Variants in SSH2 observed in about 807,000 individuals in gnomAD.
SSH2 encodes the protein protein phosphatase Slingshot homolog 2.
Under a neutral mutation model 135.2 loss-of-function variants are expected in SSH2, and 37 were observed. The ratio of observed to expected loss-of-function variants is 0.27; its 90% confidence interval spans 0.21 to 0.36. The LOEUF (loss-of-function observed/expected upper bound fraction) is 0.36. Ranked by LOEUF, SSH2 falls within the 10% of genes least tolerant of loss-of-function variation. The pLI, the probability that SSH2 is intolerant of heterozygous loss-of-function variation, is 1.00. For synonymous variants in SSH2, 628 were observed against 646.2 expected, an observed-to-expected ratio of 0.97 and a Z score of 0.43; for missense variants, 1,408 against 1,765.3, an observed-to-expected ratio of 0.80 and a Z score of 3.63.
chr17:29,689,563 G>A (rs1567881032), intron 5 of SSH2, among the ~76,000 whole-genome samples: 1 of 152,120 alleles, frequency 6.6e-6, no homozygotes, highest in East Asian at 1.9e-4. Context: ...GGCAGCAATA[G>A]TAACTAAGAT....
chr17:29,740,755 T>C (rs2040528190), intron 3 of SSH2, among the ~76,000 whole-genome samples: 1 of 152,238 alleles, frequency 6.6e-6, no homozygotes, highest in Non-Finnish European at 1.5e-5. Flanking sequence ...AATTTAAGTA[T>C]GATAGTAACA....
chr17:29,788,778 T>C (rs1205537745), intron 3 of SSH2, among the ~76,000 whole-genome samples: 3 of 151,992 alleles, frequency 2.0e-5, no homozygotes, highest in Non-Finnish European at 2.9e-5. Context: ...TGAAACCAGG[T>C]AATGGGTAGA....
intron 3 of SSH2, among the ~76,000 whole-genome samples, chr17:29,784,937 T>A (rs1199444996): frequency 6.6e-6 from 1 of 152,204 alleles, no homozygotes; most frequent in East Asian, 1.9e-4. Context: ...AATTTTATTT[T>A]CATTGCTATC....
intron 3 of SSH2, among the ~76,000 whole-genome samples, chr17:29,736,485 T>A (rs913357914): frequency 2.0e-5 from 3 of 152,128 alleles, no homozygotes; most frequent in Non-Finnish European, 4.4e-5. Context: ...GTATAACAGT[T>A]ACTATAAAGG....
In SSH2 at chr17:29,630,731, A is replaced by ATTTT. The variant is rs2035628277; in HGVS notation, c.*109_*110insAAAA. On this transcript the variant is annotated 3_prime_UTR_variant, in exon 16 of 16. Transcript: ENST00000540801. ...AACCCTGCATGCACCAGAAACAGTA[A>ATTTT]AATGACCAAAATATTATAAAATTAA... is the stretch of plus-strand genomic sequence containing the variant. 1 of 1,274,020 alleles carries ATTTT rather than the reference A, an allele frequency of 7.8e-7. No homozygotes were observed. Among genetic ancestry groups the ATTTT allele is most frequent in the East Asian group, 2.4e-5 (1 of 42,342 alleles). 78.9% of individuals were successfully genotyped at this position (1,274,020 alleles called of 1,614,324 possible).
rs2039048829 is a variant in SSH2, at chr17:29,702,972, C to G, written c.279G>C (p.Arg93=). The part of the protein sequence containing the change: ...GSSTPRISHR[R]NKHAGDLQQH... The stretch of plus-strand genomic sequence containing the variant: ...TGCAAGCATTACCTGCATGCTTGTT[C>G]CGTCTGTGGCTGATTCTTGGTGTGG... Residue 93 remains arginine, a synonymous_variant, in exon 4 of 16, where the codon CGG becomes CGC. Transcript: ENST00000540801. 4 of 1,613,112 alleles carry G rather than the reference C, an allele frequency of 2.5e-6. No homozygotes were observed. The highest frequency in any genetic ancestry group is 3.4e-6 in the Non-Finnish European group (4 of 1,179,322).
At chr17:29,795,324 C>A (rs1281943222) in intron 2 of SSH2, among the ~76,000 whole-genome samples, 1 of 152,232 alleles carries the variant, frequency 6.6e-6, no homozygotes, top group Non-Finnish European at 1.5e-5. Context: ...AAATATCCTA[C>A]AACATTTCAT....
At chr17:29,918,856 G>A (rs2066926325) in intron 1 of SSH2, among the ~76,000 whole-genome samples, 1 of 152,068 alleles carries the variant, frequency 6.6e-6, no homozygotes, top group African/African-American at 2.4e-5. Flanking sequence ...AGAATCACTT[G>A]AACCCGGGAG....
chr17:29,918,800 G>T (rs898311214), intron 1 of SSH2, among the ~76,000 whole-genome samples: 22 of 152,282 alleles, frequency 1.4e-4, no homozygotes, highest in Admixed American at 1.4e-3. Flanking sequence ...AGCCAGGTGT[G>T]GTGGCCTGTG....
Position 29,631,203 on chromosome 17 carries a change from C to A in SSH2, c.3991G>T (p.Asp1331Tyr). The change falls in exon 16 of 16, where the codon GAC becomes TAC. Residue 1331 changes from aspartate to tyrosine, a missense_variant. Coordinates refer to ENST00000540801, the MANE Select transcript of SSH2 (RefSeq NM_001282129.2). ...RTDSGMHAME[D>Y]QESLENPGAP... ...CCTGGGTTTTCTAGGGACTCTTGGT[C>A]CTCCATCGCGTGCATGCCTGAGTCT... 1 of 1,614,090 alleles carries A rather than the reference C, an allele frequency of 6.2e-7. No homozygotes were observed. Among genetic ancestry groups the A allele is most frequent in the African/African-American group, 1.3e-5 (1 of 75,024 alleles).
chr17:29,654,343 A>G (rs2036698765), intron 12 of SSH2, among the ~76,000 whole-genome samples: 2 of 151,956 alleles, frequency 1.3e-5, no homozygotes. Context: ...AAGCAACCAG[A>G]TTCCCCTCCC....
intron 1 of SSH2, among the ~76,000 whole-genome samples, chr17:29,921,278 CA>C (rs1473831583): frequency 3.3e-5 from 5 of 152,072 alleles, no homozygotes; most frequent in African/African-American, 1.2e-4. Flanking sequence ...ACATGAGGCA[CA>C]AAAGGTACTC....
At chr17:29,731,413 TATTTTTTA>T (rs2040187132) in intron 3 of SSH2, among the ~76,000 whole-genome samples, 1 of 132,360 alleles carries the variant, frequency 7.6e-6, no homozygotes, top group Non-Finnish European at 1.7e-5. Context: ...ATAGCAGAAG[TATTTTTTA>T]TTTATTTATT....
intron 3 of SSH2, among the ~76,000 whole-genome samples, chr17:29,703,691 G>A (rs1018472449): frequency 1.3e-5 from 2 of 151,946 alleles, no homozygotes; most frequent in African/African-American, 2.4e-5. Context: ...TAATTCTCCT[G>A]CCTCAGCCTC....
intron 1 of SSH2, among the ~76,000 whole-genome samples, chr17:29,909,569 C>T (rs1011515961): frequency 3.9e-5 from 6 of 152,182 alleles, no homozygotes; most frequent in Non-Finnish European, 5.9e-5. Context: ...AATGCCATAC[C>T]TTAAATTTCC....
chr17:29,889,246 A>G (rs2066301509), intron 1 of SSH2, among the ~76,000 whole-genome samples: 1 of 152,130 alleles, frequency 6.6e-6, no homozygotes, highest in South Asian at 2.1e-4. Flanking sequence ...CAGGAATTTG[A>G]AACCAGCCTG....
intron 15 of SSH2, among the ~76,000 whole-genome samples, chr17:29,634,462 G>A (rs2035810570): frequency 6.6e-6 from 1 of 152,208 alleles, no homozygotes; most frequent in African/African-American, 2.4e-5. Context: ...TTCTTTTCCT[G>A]GTTTGAGATG....
intron 5 of SSH2, among the ~76,000 whole-genome samples, chr17:29,685,725 G>A (rs1366397389): frequency 2.0e-5 from 3 of 148,992 alleles, no homozygotes. Flanking sequence ...GGAGGCGGAG[G>A]TTGCAGTGAG....
intron 2 of SSH2, among the ~76,000 whole-genome samples, chr17:29,837,441 G>A (rs556773575): frequency 1.6e-4 from 25 of 152,260 alleles, no homozygotes; most frequent in African/African-American, 5.5e-4. Context: ...CCATCTTACT[G>A]GTGGCAGCAG....
Sources: gnomAD v4.1 joint callset for allele counts (sites outside exome capture counted in the v4.1 genomes callset) on GRCh38, gnomAD v4.1.1 for gene constraint, MANE v1.5 for transcripts, NCBI Gene and HGNC (gene_info 2026-07-23, HGNC 2026-07-21) for gene names.